The following RANBP17 variants were observed in gnomAD, a reference collection of about 807,000 sequenced individuals.
RANBP17 encodes the protein ran-binding protein 17.
In RANBP17, 158 loss-of-function variants were observed where a neutral mutation model predicts 141.2. The observed-to-expected ratio is 1.12, with a 90% CI of 0.98 to 1.28. The LOEUF (loss-of-function observed/expected upper bound fraction) is 1.28. Among genes scored for constraint, RANBP17 ranks in the 50% most tolerant of loss-of-function variants. The probability of loss-of-function intolerance (pLI) is 0.00; values close to 1 mark genes in which losing one functional copy is unlikely to be tolerated. For missense variants in RANBP17, 1,438 were observed against 1,290.7 expected, an observed-to-expected ratio of 1.11 and a Z score of -1.75; for synonymous variants, 430 against 450.0, an observed-to-expected ratio of 0.96 and a Z score of 0.56.
rs535208625 is a variant in RANBP17, at chr5:170,936,280, A to G, written c.1468+11730A>G. Among the ~76,000 whole-genome samples the G allele has an allele frequency of 3.3e-3, 498 of 152,250 alleles. 2 individuals are homozygous for G. The highest frequency in any genetic ancestry group is 0.011 in the African/African-American group (467 of 41,546). On this transcript the variant is annotated intron_variant, in intron 12 of 27. Coordinates refer to ENST00000523189, the MANE Select transcript of RANBP17 (RefSeq NM_022897.5). Reference sequence around the variant, plus strand: ...TGCCCCGCCGTGCTAGGTGGGCTGCACCGACTTGTTTGGCAAGCCCTAGTG... The same window carrying G: ...TGCCCCGCCGTGCTAGGTGGGCTGCGCCGACTTGTTTGGCAAGCCCTAGTG...
intron 14 of RANBP17, among the ~76,000 whole-genome samples, chr5:171,017,988 C>T (rs1780573163): frequency 6.6e-6 from 1 of 152,090 alleles, no homozygotes; most frequent in Admixed American, 6.6e-5. Context: ...CCAGTTTTCC[C>T]AGCACCATTT....
In RANBP17 at chr5:170,911,107, G is replaced by T; in HGVS notation, c.733G>T (p.Val245Leu). 1 of 1,611,360 alleles carries T rather than the reference G, an allele frequency of 6.2e-7. No homozygotes were observed. The highest frequency in any genetic ancestry group is 8.5e-7 in the Non-Finnish European group (1 of 1,178,336). Residue 245 changes from valine to leucine, a missense_variant, in exon 7 of 28, where the codon GTG becomes TTG. Coordinates refer to ENST00000523189, the MANE Select transcript of RANBP17 (RefSeq NM_022897.5). The stretch of plus-strand genomic sequence containing the variant: ...TGAATCTGCAGATGATCTTTGCACG[G>T]TGCAGATTCCAACAACTTGGAGAAC... The part of the protein sequence containing the change: ...ADESADDLCT[V>L]QIPTTWRTIF...
At position 171,018,513 on chromosome 5, in the gene RANBP17, T is replaced by C. The variant is rs546998411; in HGVS notation, c.1710+50136T>C. On this transcript the variant is annotated intron_variant, in intron 14 of 27. Coordinates refer to ENST00000523189, the MANE Select transcript of RANBP17 (RefSeq NM_022897.5). ...ATTCGTAGGTATTTTATTTTCTTTG[T>C]AGCAGTTGTGAATGGGAGTTCATTC... Among the ~76,000 whole-genome samples, 6 of 152,248 alleles carry C rather than the reference T, an allele frequency of 3.9e-5. No individual in the cohort carries two copies. In the South Asian group the frequency reaches 1.0e-3, roughly 26 times the overall value.
intron 14 of RANBP17, among the ~76,000 whole-genome samples, chr5:171,147,382 G>GC (rs1561702634): frequency 2.6e-3 from 84 of 32,060 alleles, no homozygotes; most frequent in African/African-American, 5.4e-3. Context: ...TGTGTGTGTG[G>GC]TTGTTTGTTT....
intron 14 of RANBP17, among the ~76,000 whole-genome samples, chr5:170,999,674 T>G (rs1223952805): frequency 6.6e-6 from 1 of 152,198 alleles, no homozygotes; most frequent in African/African-American, 2.4e-5. Flanking sequence ...ATTTTTAATA[T>G]AGTTGCTATA....
chr5:170,881,162 C>G (rs1407175110), intron 2 of RANBP17, among the ~76,000 whole-genome samples: 1 of 152,174 alleles, frequency 6.6e-6, no homozygotes, highest in Admixed American at 6.5e-5. Flanking sequence ...TCTTAGGTCA[C>G]AACCCATGTA....
intron 3 of RANBP17, among the ~76,000 whole-genome samples, chr5:170,882,549 A>G (rs1036492680): frequency 2.5e-4 from 38 of 152,158 alleles, no homozygotes; most frequent in Non-Finnish European, 1.5e-5. Context: ...AGATCACACA[A>G]CTAGAAAGTA....
intron 12 of RANBP17, among the ~76,000 whole-genome samples, chr5:170,952,110 G>A (rs1274375447): frequency 6.6e-6 from 1 of 152,020 alleles, no homozygotes; most frequent in African/African-American, 2.4e-5. Flanking sequence ...GCTACCACTT[G>A]ATAGAGCCTA....
In RANBP17 at chr5:170,989,696, T is replaced by G. The variant is rs78346664; in HGVS notation, c.1710+21319T>G. On this transcript the variant is annotated intron_variant, in intron 14 of 27. Transcript: ENST00000523189. ...GTAGTTTAAACATCTTAATAATGTA[T>G]TGGAGTATGTGTGTTTTTATATTTT... Among the ~76,000 whole-genome samples, 409 of 151,848 alleles carry G rather than the reference T, an allele frequency of 2.7e-3. 4 individuals are homozygous for G. The highest frequency in any genetic ancestry group is 9.6e-3 in the African/African-American group (399 of 41,516).
chr5:171,040,270 AATC>A (rs2127633649), intron 14 of RANBP17, among the ~76,000 whole-genome samples: 1 of 152,232 alleles, frequency 6.6e-6, no homozygotes, highest in South Asian at 2.1e-4. Flanking sequence ...AAAACCATAT[AATC>A]ATTTCAATAG....
chr5:170,895,269 GTATC>G (rs1561864355), intron 4 of RANBP17, among the ~76,000 whole-genome samples: 1 of 152,196 alleles, frequency 6.6e-6, no homozygotes, highest in Non-Finnish European at 1.5e-5. Context: ...TTTGAAAAGT[GTATC>G]TATCTTCTGT....
At chr5:170,933,033 T>C (rs1303837960) in intron 12 of RANBP17, among the ~76,000 whole-genome samples, 2 of 152,208 alleles carry the variant, frequency 1.3e-5, no homozygotes, top group Admixed American at 1.3e-4. Flanking sequence ...TGTGAATCCA[T>C]CTGGTCCTGG....
In RANBP17 at chr5:171,295,823, C is replaced by A; in HGVS notation, c.3043-64C>A. 11 of 1,575,440 alleles carry A rather than the reference C, an allele frequency of 7.0e-6. No homozygotes were observed. In the South Asian group the frequency reaches 1.3e-4, roughly 18 times the overall value. On this transcript the variant is annotated intron_variant, in intron 26 of 27. Coordinates refer to ENST00000523189, the MANE Select transcript of RANBP17 (RefSeq NM_022897.5). ...TAGATGAGAGCTGCTCTATCCATCCCCTGCCAGCTGTCTTCAGGCGGGACT... is the reference window on the plus strand; with the variant it reads ...TAGATGAGAGCTGCTCTATCCATCCACTGCCAGCTGTCTTCAGGCGGGACT...
chr5:170,865,590 C>T (rs1242300098), intron 1 of RANBP17, among the ~76,000 whole-genome samples: 1 of 152,142 alleles, frequency 6.6e-6, no homozygotes, highest in Non-Finnish European at 1.5e-5. Context: ...GCTTGATCTA[C>T]TGTCTGTGAA....
At position 171,122,336 on chromosome 5, in the gene RANBP17, C is replaced by A. The variant is rs74938822; in HGVS notation, c.1711-47794C>A. Among the ~76,000 whole-genome samples the A allele has an allele frequency of 2.2e-3, 328 of 152,304 alleles. 9 individuals carry two copies. The East Asian group carries it at 0.022, about 10-fold the overall frequency. On this transcript the variant is annotated intron_variant, in intron 14 of 27. Coordinates refer to ENST00000523189, the MANE Select transcript of RANBP17 (RefSeq NM_022897.5). ...TGTCTCTAGTCAGCTATCTTGCTGA[C>A]ATCTTGCCTGTGTATTTCAAGGAAG...
At chr5:170,952,926 C>T (rs955403893) in intron 12 of RANBP17, among the ~76,000 whole-genome samples, 1 of 152,018 alleles carries the variant, frequency 6.6e-6, no homozygotes, top group Non-Finnish European at 1.5e-5. Flanking sequence ...CAGCTGCCCC[C>T]AAAGTAAGAT....
intron 14 of RANBP17, among the ~76,000 whole-genome samples, chr5:171,099,903 G>A (rs537258039): frequency 2.2e-4 from 34 of 152,216 alleles, no homozygotes; most frequent in African/African-American, 6.5e-4. Context: ...GATGGATTAC[G>A]TTTACTGATT....
intron 22 of RANBP17, among the ~76,000 whole-genome samples, chr5:171,230,943 TG>T (rs1253670411): frequency 2.0e-5 from 3 of 151,926 alleles, no homozygotes; most frequent in African/African-American, 7.3e-5. Context: ...GGTTTTGTTT[TG>T]TTTTTTTGTT....
intron 14 of RANBP17, among the ~76,000 whole-genome samples, chr5:171,137,022 G>C (rs1439708038): frequency 2.0e-5 from 3 of 151,986 alleles, no homozygotes; most frequent in Non-Finnish European, 2.9e-5. Context: ...TTCTGCTTCT[G>C]ATTCCTGAGA....
Sources: gnomAD v4.1 joint callset for allele counts (sites outside exome capture counted in the v4.1 genomes callset) on GRCh38, gnomAD v4.1.1 for gene constraint, MANE v1.5 for transcripts, NCBI Gene and HGNC (gene_info 2026-07-23, HGNC 2026-07-21) for gene names.